MRPL37: variants seen among roughly 807,000 people sequenced by gnomAD.
MRPL37 encodes mitochondrial ribosomal protein L37.
MRPL37 carries 34 observed loss-of-function variants against 44.1 expected under a neutral mutation model. That is an observed-to-expected ratio of 0.77 (90% CI 0.59 to 1.03). The LOEUF (loss-of-function observed/expected upper bound fraction) is 1.03. Ranked by LOEUF, MRPL37 falls within the 50% of genes least tolerant of loss-of-function variation. The pLI is 0.00. For synonymous variants in MRPL37, 212 were observed against 219.5 expected (o/e 0.97, Z 0.30); for missense variants, 532 against 543.7 (o/e 0.98, Z 0.21).
At chr1:54,216,903 C>T (rs1461896365) in intron 6 of MRPL37, among the ~76,000 whole-genome samples, 1 of 119,388 alleles carries the variant, frequency 8.4e-6, no homozygotes, top group Non-Finnish European at 1.7e-5. Context: ...CTCCTAGATC[C>T]TTGAGGGCAG....
chr1:54,220,852 A>C, downstream of MRPL37: 1 of 465,978 alleles, frequency 2.1e-6, no homozygotes. Flanking sequence ...GACTTTTGGA[A>C]ATGAAATGGT....
chr1:54,221,665 TCA>T (rs1382736611), downstream of MRPL37, among the ~76,000 whole-genome samples: 3 of 151,792 alleles, frequency 2.0e-5, no homozygotes, highest in African/African-American at 7.3e-5. Context: ...ACACATGCAG[TCA>T]CACTCCCACC....
At position 54,205,020 on chromosome 1, in the gene MRPL37, G is replaced by A; in HGVS notation, c.349G>A (p.Val117Ile). ...FHHRCRLLEGVKQALWLTKTK... is the reference protein window; with the variant it reads ...FHHRCRLLEGIKQALWLTKTK... The stretch of plus-strand genomic sequence containing the variant: ...TTTTGTGGCTAATTACCTCAAAGGT[G>A]TAAAGCAGGCCCTCTGGCTCACCAA... The change falls in exon 2 of 7, where the codon GTA (valine) becomes ATA (isoleucine). Residue 117 changes from valine to isoleucine, a missense_variant and splice_region_variant. Physicochemically the swap from Val to Ile is conservative, Grantham distance 29 (BLOSUM62 3). Coordinates refer to ENST00000360840, the MANE Select transcript of MRPL37 (RefSeq NM_016491.4). 1.9e-6 allele frequency: 3 copies of A among 1,613,376 alleles called. No individual in the cohort carries two copies. The highest frequency in any genetic ancestry group is 1.7e-6 in the Non-Finnish European group (2 of 1,179,726).
chr1:54,201,456 G>A (rs978711721), intron 1 of MRPL37, among the ~76,000 whole-genome samples: 3 of 152,222 alleles, frequency 2.0e-5, no homozygotes, highest in Non-Finnish European at 4.4e-5. Flanking sequence ...GATCTCACAA[G>A]ACTTGGCATC....
chr1:54,214,182 C>T (rs1299066220), intron 5 of MRPL37, among the ~76,000 whole-genome samples: 3 of 151,950 alleles, frequency 2.0e-5, no homozygotes, highest in Non-Finnish European at 4.4e-5. Context: ...GAGACTGTGC[C>T]TCAAAGGAAA....
chr1:54,222,142 C>A (rs1037472103), downstream of MRPL37, among the ~76,000 whole-genome samples: 1 of 152,234 alleles, frequency 6.6e-6, no homozygotes, highest in African/African-American at 2.4e-5. Flanking sequence ...GCACCAGGAC[C>A]TGTGCTGGCA....
downstream of MRPL37, chr1:54,220,633 C>G (rs1392881909): frequency 2.1e-6 from 1 of 471,658 alleles, no homozygotes; most frequent in African/African-American, 2.0e-5. Flanking sequence ...TTCTCCAAAT[C>G]CCAAATGTCT....
At position 54,205,151 on chromosome 1, in the gene MRPL37, C is replaced by T. The variant is rs562439435; in HGVS notation, c.480C>T (p.His160=). 23 of 1,614,146 alleles carry T rather than the reference C, an allele frequency of 1.4e-5. No individual in the cohort carries two copies. In the East Asian group the frequency reaches 1.6e-4, roughly 11 times the overall value. The change falls in exon 2 of 7, where the codon CAC becomes CAT. Residue 160 remains histidine, a synonymous_variant. Coordinates refer to ENST00000360840, the MANE Select transcript of MRPL37 (RefSeq NM_016491.4). The stretch of plus-strand genomic sequence containing the variant: ...AGTGCGTTCTGAATGTGATCTCTCA[C>T]GCCCGTCTCTGGCAGACCACTGAGG... The part of the protein sequence containing the change: ...QDECVLNVIS[H]ARLWQTTEEI...
rs374255167 is a variant in MRPL37, at chr1:54,205,391, T to G, written c.627T>G (p.Phe209Leu). 1 of 1,613,984 alleles carries G rather than the reference T, an allele frequency of 6.2e-7. No individual in the cohort carries two copies. The highest frequency in any genetic ancestry group is 8.5e-7 in the Non-Finnish European group (1 of 1,179,928). The change falls in exon 3 of 7, where the codon TTT (phenylalanine) becomes TTG (leucine). Residue 209 changes from phenylalanine to leucine, a missense_variant. Phe to Leu is a conservative substitution (Grantham distance 22). Coordinates refer to ENST00000360840, the MANE Select transcript of MRPL37 (RefSeq NM_016491.4). ...ARRICVQNST[F>L]SATWNRESLL... ...GGATCTGTGTCCAAAACTCCACGTT[T>G]TCTGCTACCTGGAACCGAGGTTGGT... is the stretch of plus-strand genomic sequence containing the variant.
At chr1:54,209,611 C>T (rs574781306) in intron 3 of MRPL37, among the ~76,000 whole-genome samples, 2 of 152,202 alleles carry the variant, frequency 1.3e-5, no homozygotes, top group African/African-American at 4.8e-5. Context: ...AGGTGCCAGC[C>T]ACCATGCCCG....
At chr1:54,220,425 C>T (rs1264499986), downstream of MRPL37, among the ~76,000 whole-genome samples, 2 of 152,216 alleles carry the variant, frequency 1.3e-5, no homozygotes, top group African/African-American at 4.8e-5. Context: ...GTTGTGGAGC[C>T]TGGAACCCAA....
At chr1:54,220,504 G>GTT, downstream of MRPL37, 1 of 378,230 alleles carries the variant, frequency 2.6e-6, no homozygotes, top group Non-Finnish European at 5.5e-6. Flanking sequence ...AGGACTGGCG[G>GTT]TTTTTTTTAT....
At chr1:54,218,146 A>G (rs1168949849) in intron 6 of MRPL37, 26 bp from the exon 7 acceptor site, 25 of 1,589,494 alleles carry the variant, frequency 1.6e-5, no homozygotes, top group Non-Finnish European at 2.0e-5. Context: ...TAGTAGCAGG[A>G]TCCTAATGAA....
chr1:54,216,733 T>C (rs1570153065), intron 6 of MRPL37, among the ~76,000 whole-genome samples: 1 of 152,122 alleles, frequency 6.6e-6, no homozygotes, highest in Admixed American at 6.5e-5. Flanking sequence ...GTTTCTTATT[T>C]TGGGAAACTT....
chr1:54,221,515 G>C (rs529348916), downstream of MRPL37, among the ~76,000 whole-genome samples: 576 of 152,266 alleles, frequency 3.8e-3, 2 homozygotes, highest in Non-Finnish European at 6.2e-3. Context: ...CTGCATCCAG[G>C]GGGGCGTGCT....
downstream of MRPL37, among the ~76,000 whole-genome samples, chr1:54,221,621 C>T (rs934492149): frequency 1.3e-4 from 20 of 152,296 alleles, no homozygotes; most frequent in East Asian, 9.7e-4. Context: ...GGCATACATG[C>T]GCGCACACAT....
downstream of MRPL37, among the ~76,000 whole-genome samples, chr1:54,223,817 T>G (rs972998035): frequency 6.6e-6 from 1 of 152,192 alleles, no homozygotes; most frequent in Non-Finnish European, 1.5e-5. Flanking sequence ...CATTTCAGTA[T>G]CTTTCCACTG....
At chr1:54,207,708 T>C (rs914769670) in intron 3 of MRPL37, among the ~76,000 whole-genome samples, 1 of 152,196 alleles carries the variant, frequency 6.6e-6, no homozygotes, top group African/African-American at 2.4e-5. Flanking sequence ...TGCACATTTA[T>C]TTTTCTTGCA....
In MRPL37 at chr1:54,200,559, A is replaced by G. The variant is rs768849502; in HGVS notation, c.316A>G (p.Ile106Val). The change falls in exon 1 of 7, where the codon ATC becomes GTC. Residue 106 changes from isoleucine to valine, a missense_variant. Transcript: ENST00000360840. The part of the protein sequence containing the change: ...HPLYKDQACY[I>V]FHHRCRLLEG... Reference sequence around the variant, plus strand: ...GCTGTACAAAGACCAGGCCTGCTATATCTTTCACCACCGTTGCCGCCTTCT... The same window carrying G: ...GCTGTACAAAGACCAGGCCTGCTATGTCTTTCACCACCGTTGCCGCCTTCT... 3 of 1,604,438 alleles carry G rather than the reference A, an allele frequency of 1.9e-6. No individual in the cohort carries two copies. The highest frequency in any genetic ancestry group is 1.7e-5 in the Admixed American group (1 of 59,716).
Sources: allele counts gnomAD v4.1 joint callset (sites outside exome capture counted in the v4.1 genomes callset), GRCh38; gene constraint gnomAD v4.1.1; transcripts MANE v1.5; gene names NCBI Gene and HGNC (gene_info 2026-07-23, HGNC 2026-07-21).